The following ACSM5 variants were observed in gnomAD, a reference collection of about 807,000 sequenced individuals.
ACSM5 encodes acyl-coenzyme A synthetase ACSM5, mitochondrial.
Under a neutral mutation model 71.6 loss-of-function variants are expected in ACSM5, and 56 were observed. The ratio of observed to expected loss-of-function variants is 0.78; its 90% CI spans 0.63 to 0.98. The LOEUF (loss-of-function observed/expected upper bound fraction) is 0.98, where lower values mean the gene tolerates loss of function less well. Ranked by LOEUF, ACSM5 falls within the 50% of genes least tolerant of loss-of-function variation. The pLI, the probability that ACSM5 is intolerant of heterozygous loss-of-function variation, is 0.00. For missense variants in ACSM5, 723 were observed against 726.0 expected (o/e 1.00, Z 0.05); for synonymous variants, 285 against 281.5 (o/e 1.01, Z -0.12).
At chr16:20,433,613 G>A (rs1967142108) in intron 10 of ACSM5, among the ~76,000 whole-genome samples, 1 of 152,070 alleles carries the variant, frequency 6.6e-6, no homozygotes, top group Non-Finnish European at 1.5e-5. Flanking sequence ...TTTAAAAAAA[G>A]AATCCAGGAA....
chr16:20,419,781 T>C (rs543504056), intron 4 of ACSM5: 6 of 361,502 alleles, frequency 1.7e-5, no homozygotes, highest in East Asian at 1.3e-4. Context: ...ATGTATTGGG[T>C]ACTTAGTGTA....
intron 4 of ACSM5, 97 bp downstream of exon 4, chr16:20,419,532 G>A (rs113769422): frequency 0.026 from 31,902 of 1,225,370 alleles, 729 homozygotes; most frequent in African/African-American, 0.097. Flanking sequence ...CATAGAGAGC[G>A]AATCAGAGAG....
Position 20,423,976 on chromosome 16 carries a change from G to A in ACSM5, c.828G>A (p.Val276=). 3 of 1,614,204 alleles carry A rather than the reference G, an allele frequency of 1.9e-6. No homozygotes were observed. Among genetic ancestry groups the A allele is most frequent in the Non-Finnish European group, 2.5e-6 (3 of 1,180,028 alleles). ...GGAACACGACTGACACTGGCTGGGT[G>A]AAGGCAGCCTGGACTCTCTTCTCTG... The part of the protein sequence containing the change: ...IFWNTTDTGW[V]KAAWTLFSAW... The change falls in exon 6 of 14, where the codon GTG becomes GTA. Residue 276 remains valine, a synonymous_variant. Coordinates refer to ENST00000331849, the MANE Select transcript of ACSM5 (RefSeq NM_017888.3).
chr16:20,417,142 G>C (rs1219496252), intron 2 of ACSM5, among the ~76,000 whole-genome samples: 1 of 152,044 alleles, frequency 6.6e-6, no homozygotes, highest in Non-Finnish European at 1.5e-5. Flanking sequence ...CAGTTTGGCA[G>C]TTCCTCCGAA....
intron 4 of ACSM5, among the ~76,000 whole-genome samples, chr16:20,420,155 G>A (rs954547818): frequency 6.6e-6 from 1 of 152,186 alleles, no homozygotes; most frequent in Non-Finnish European, 1.5e-5. Flanking sequence ...CCTCTCAGGG[G>A]CCTGAACCAT....
At chr16:20,427,737 G>T (rs1472288967) in intron 6 of ACSM5, 51 bp from the exon 7 acceptor site, 2 of 1,279,314 alleles carry the variant, frequency 1.6e-6, no homozygotes, top group East Asian at 2.3e-5. Flanking sequence ...CATCTTCATG[G>T]TCCCACCCCA....
chr16:20,429,509 A>G (rs1467918969), intron 7 of ACSM5, among the ~76,000 whole-genome samples, 169 bp from the exon 8 acceptor site: 1 of 152,174 alleles, frequency 6.6e-6, no homozygotes, highest in Non-Finnish European at 1.5e-5. Context: ...TTATCTGTCC[A>G]TGAGGAGCAT....
At chr16:20,419,540 G>C (rs1966869230) in intron 4 of ACSM5, 105 bp downstream of exon 4, 1 of 1,145,064 alleles carries the variant, frequency 8.7e-7, no homozygotes, top group South Asian at 1.4e-5. Flanking sequence ...GCGAATCAGA[G>C]AGGAGCACTC....
In ACSM5 at chr16:20,419,261, C is replaced by G. The variant is rs199794269; in HGVS notation, c.449C>G (p.Thr150Arg). The change falls in exon 4 of 14, where the codon ACA (threonine) becomes AGA (arginine). Residue 150 changes from threonine (T) to arginine (R), a missense_variant. Thr to Arg is a moderately conservative substitution (Grantham distance 71, BLOSUM62 -1). Transcript: ENST00000331849. ...TVMIPGVTQL[T>R]EKDLKYRLQA... The stretch of plus-strand genomic sequence containing the variant: ...ATGATTCCGGGTGTGACTCAGCTGA[C>G]AGAGAAGGACCTCAAGTACCGGCTG... 1 of 1,614,160 alleles carries G rather than the reference C, an allele frequency of 6.2e-7. No homozygotes were observed. Among genetic ancestry groups the G allele is most frequent in the South Asian group, 1.1e-5 (1 of 91,088 alleles).
intron 9 of ACSM5, 66 bp from the exon 10 acceptor site, chr16:20,431,154 G>C (rs1379934347): frequency 1.3e-6 from 2 of 1,599,078 alleles, no homozygotes; most frequent in African/African-American, 1.3e-5. Context: ...CGGGCTGCTG[G>C]GCTGCTGGGA....
chr16:20,426,510 T>C (rs1596618465), intron 6 of ACSM5, among the ~76,000 whole-genome samples: 1 of 152,156 alleles, frequency 6.6e-6, no homozygotes, highest in South Asian at 2.1e-4. Flanking sequence ...AACACAAGTG[T>C]CCATCCACAG....
intron 10 of ACSM5, among the ~76,000 whole-genome samples, chr16:20,433,545 G>C (rs896559446): frequency 2.6e-5 from 4 of 151,852 alleles, no homozygotes; most frequent in Admixed American, 2.6e-4. Flanking sequence ...TTATATTATA[G>C]CATTGTGAAC....
rs199728536 is a variant in ACSM5 at position 20,437,098 on chromosome 16, T to A, written c.1355T>A (p.Ile452Asn). Residue 452 changes from isoleucine to asparagine, a missense_variant, in exon 11 of 14, where the codon ATC becomes AAC. Coordinates refer to ENST00000331849, the MANE Select transcript of ACSM5 (RefSeq NM_017888.3). ...TAASEQGDFY[I>N]TGDRARMDKD... ...GCATCAGAACAAGGGGACTTTTACA[T>A]CACAGGGGACCGAGCTCGCATGGAC... is the stretch of plus-strand genomic sequence containing the variant. 1.8e-5 allele frequency: 29 copies of A among 1,614,062 alleles called. No individual in the cohort carries two copies. The highest frequency in any genetic ancestry group is 2.3e-5 in the Non-Finnish European group (27 of 1,180,036).
At chr16:20,418,794 A>G (rs181888506) in intron 3 of ACSM5, among the ~76,000 whole-genome samples, 2 of 152,304 alleles carry the variant, frequency 1.3e-5, no homozygotes, top group African/African-American at 4.8e-5. Flanking sequence ...TAACCAATCT[A>G]TGTTAGTTTC....
rs755627565 is a variant in ACSM5 at position 20,437,281 on chromosome 16, C to G, written c.1450C>G (p.Pro484Ala). Reference protein sequence around the residue: ...VINSSSYRIGPVEVESALAEH... With the variant: ...VINSSSYRIGAVEVESALAEH... ...TTTCCCTTCCAGCTACCGGATCGGGCCTGTTGAAGTGGAAAGTGCCCTGGC... is the reference window on the plus strand; with the variant it reads ...TTTCCCTTCCAGCTACCGGATCGGGGCTGTTGAAGTGGAAAGTGCCCTGGC... The change falls in exon 12 of 14, where the codon CCT becomes GCT. Residue 484 changes from proline to alanine, a missense_variant. Pro to Ala is a conservative substitution (Grantham distance 27). Coordinates refer to ENST00000331849, the MANE Select transcript of ACSM5 (RefSeq NM_017888.3). The G allele has an allele frequency of 4.3e-6, 7 of 1,614,158 alleles. No homozygotes were observed. The highest frequency in any genetic ancestry group is 1.7e-5 in the Admixed American group (1 of 60,010).
intron 7 of ACSM5, among the ~76,000 whole-genome samples, chr16:20,428,196 A>G (rs1967026739): frequency 6.6e-6 from 1 of 152,194 alleles, no homozygotes; most frequent in Non-Finnish European, 1.5e-5. Flanking sequence ...CCATACACCC[A>G]TGGGCTATTC....
At chr16:20,410,728 A>C (rs1966846020) in intron 1 of ACSM5, among the ~76,000 whole-genome samples, 1 of 152,148 alleles carries the variant, frequency 6.6e-6, no homozygotes, top group African/African-American at 2.4e-5. Context: ...TCTGTCTCAA[A>C]AACAACAATA....
At chr16:20,430,551 G>A (rs56039235) in intron 8 of ACSM5, among the ~76,000 whole-genome samples, 4 of 150,322 alleles carry the variant, frequency 2.7e-5, no homozygotes, top group Admixed American at 6.7e-5. Flanking sequence ...AAAATAGGAA[G>A]AAAATGAAGA....
chr16:20,436,855 A>G (rs1230622863), intron 10 of ACSM5, among the ~76,000 whole-genome samples, 197 bp from the exon 11 acceptor site: 1 of 152,038 alleles, frequency 6.6e-6, no homozygotes, highest in Non-Finnish European at 1.5e-5. Flanking sequence ...CTTGATTCCA[A>G]TCAAAAGAGG....
Sources: allele counts gnomAD v4.1 joint callset (sites outside exome capture counted in the v4.1 genomes callset), GRCh38; gene constraint gnomAD v4.1.1; transcripts MANE v1.5; gene names NCBI Gene and HGNC (gene_info 2026-07-23, HGNC 2026-07-21).